CLCN5: variants seen among roughly 807,000 people sequenced by gnomAD.
CLCN5 encodes H(+)/Cl(-) exchange transporter 5.
A neutral mutation model predicts 54.0 loss-of-function variants in CLCN5; 17 were observed. That is an observed-to-expected ratio of 0.31 (90% CI 0.22 to 0.47). CLCN5 has a LOEUF of 0.47. Ranked by LOEUF, CLCN5 falls within the 20% of genes least tolerant of loss-of-function variation. The pLI, the probability that CLCN5 is intolerant of heterozygous loss-of-function variation, is 1.00. For missense variants in CLCN5, 448 were observed against 646.7 expected, an observed-to-expected ratio of 0.69 and a Z score of 3.33; for synonymous variants, 222 against 233.0, an observed-to-expected ratio of 0.95 and a Z score of 0.43.
intron 4 of CLCN5, among the ~76,000 whole-genome samples, chrX:50,057,454 T>C (rs1932775420): frequency 6.6e-5 from 2 of 30,265 alleles, no homozygotes; most frequent in East Asian, 3.2e-3. Flanking sequence ...TCCAGGACTC[T>C]CCTGGATAGA....
In CLCN5 at chrX:50,089,008, T is replaced by C. The variant is rs148327013; in HGVS notation, c.1744+124T>C. The C allele has an allele frequency of 1.2e-3, 718 of 615,685 alleles. 3 individuals are homozygous for C. In the African/African-American group the frequency reaches 0.014, roughly 12 times the overall value. The allele number at this position is 615,685 out of a possible 1,213,427, so 50.7% of individuals were successfully genotyped here. On this transcript the variant is annotated intron_variant, in intron 12 of 14. Transcript: ENST00000376091. ...TCCCTTTCCAGTTAGGTTTGCCATTTTCCAAGCACATTAAGAAAGCATCTG... is the reference window on the plus strand; with the variant it reads ...TCCCTTTCCAGTTAGGTTTGCCATTCTCCAAGCACATTAAGAAAGCATCTG...
chrX:49,928,047 A>T (rs1338951063), intron 3 of CLCN5, among the ~76,000 whole-genome samples: 1 of 112,320 alleles, frequency 8.9e-6, no homozygotes, highest in Non-Finnish European at 1.9e-5. Flanking sequence ...GTTAATGGTT[A>T]TAAACATACA....
At chrX:50,055,377 T>A (rs1602093448) in intron 4 of CLCN5, among the ~76,000 whole-genome samples, 1 of 111,908 alleles carries the variant, frequency 8.9e-6, no homozygotes, top group East Asian at 2.8e-4. Context: ...GTGACACAAC[T>A]AGTGAGTTAT....
At chrX:50,090,033 G>A in intron 12 of CLCN5, 83 bp from the exon 13 acceptor site, 1 of 1,034,911 alleles carries the variant, frequency 9.7e-7, no homozygotes, top group Non-Finnish European at 1.3e-6. Context: ...GTTTTTGGTA[G>A]GTCAGCTTTT....
chrX:50,012,512 C>G (rs1368924291), intron 3 of CLCN5, among the ~76,000 whole-genome samples: 3 of 112,312 alleles, frequency 2.7e-5, no homozygotes, highest in Non-Finnish European at 5.6e-5. Flanking sequence ...GATGCTCGAG[C>G]CTTCTATTCA....
At chrX:49,977,767 C>A (rs781937521) in intron 3 of CLCN5, among the ~76,000 whole-genome samples, 1 of 111,750 alleles carries the variant, frequency 8.9e-6, no homozygotes, top group African/African-American at 3.3e-5. Context: ...TTCTTTCCCC[C>A]CTCCAGAAGC....
intron 4 of CLCN5, among the ~76,000 whole-genome samples, chrX:50,048,094 G>A (rs1932455021): frequency 8.9e-6 from 1 of 112,356 alleles, no homozygotes; most frequent in Admixed American, 9.4e-5. Context: ...AACGAAACCG[G>A]CGGTGGGGGG....
At chrX:49,939,991 A>G (rs1293486716) in intron 3 of CLCN5, among the ~76,000 whole-genome samples, 1 of 111,606 alleles carries the variant, frequency 9.0e-6, no homozygotes, top group Non-Finnish European at 1.9e-5. Flanking sequence ...TCTGACCATG[A>G]CAGCTCTCTG....
intron 3 of CLCN5, among the ~76,000 whole-genome samples, chrX:50,029,951 C>T (rs1931612070): frequency 8.9e-6 from 1 of 112,145 alleles, no homozygotes; most frequent in Non-Finnish European, 1.9e-5. Context: ...TTTATTGCGG[C>T]ACTATTCACA....
chrX:50,064,123 C>T (rs1301562147), intron 4 of CLCN5, among the ~76,000 whole-genome samples: 5 of 107,512 alleles, frequency 4.7e-5, no homozygotes, highest in East Asian at 5.9e-4. Context: ...CCTCTCTCAC[C>T]GCTCCTATTC....
At chrX:50,069,852 C>T (rs1569539989) in intron 4 of CLCN5, 27 bp from the exon 5 acceptor site, 3 of 1,174,326 alleles carry the variant, frequency 2.6e-6, no homozygotes, top group East Asian at 3.0e-5. Context: ...TTCTGAAGTA[C>T]TAATGTCTAT....
At chrX:49,989,881 G>T (rs1371794348) in intron 3 of CLCN5, among the ~76,000 whole-genome samples, 1 of 111,942 alleles carries the variant, frequency 8.9e-6, no homozygotes, top group African/African-American at 3.3e-5. Context: ...ACCTTTAAGA[G>T]AGTATTACAG....
At chrX:49,944,213 A>T (rs868962533) in intron 3 of CLCN5, among the ~76,000 whole-genome samples, 14 of 111,427 alleles carry the variant, frequency 1.3e-4, no homozygotes, top group African/African-American at 4.2e-4. Context: ...TTGGTCTGTT[A>T]TTGGTGTATA....
intron 3 of CLCN5, chrX:50,003,356 T>A (rs1929979994): frequency 1.5e-5 from 5 of 331,365 alleles, no homozygotes; most frequent in Non-Finnish European, 3.1e-5. Flanking sequence ...CCCATCTGGA[T>A]GACTGTCCTG....
chrX:50,044,277 T>C (rs1318816394), intron 4 of CLCN5, among the ~76,000 whole-genome samples: 2 of 111,890 alleles, frequency 1.8e-5, no homozygotes, highest in Non-Finnish European at 3.8e-5. Flanking sequence ...AAGCATTTCA[T>C]GTGTGGGTGT....
intron 3 of CLCN5, among the ~76,000 whole-genome samples, chrX:50,023,066 T>G (rs1356568672): frequency 1.0e-5 from 1 of 95,437 alleles, no homozygotes; most frequent in Non-Finnish European, 1.9e-5. Flanking sequence ...TGTCTAATGT[T>G]GACAGTGGGG....
chrX:49,951,365 T>A (rs1410583238), intron 3 of CLCN5, among the ~76,000 whole-genome samples: 1 of 111,948 alleles, frequency 8.9e-6, no homozygotes, highest in African/African-American at 3.2e-5. Flanking sequence ...ATTAGGCCTA[T>A]TCTCTAATGT....
chrX:50,005,144 G>T (rs1557181219), intron 3 of CLCN5, among the ~76,000 whole-genome samples: 1 of 111,140 alleles, frequency 9.0e-6, no homozygotes, highest in African/African-American at 3.3e-5. Context: ...ATACAGTTTT[G>T]CATAGTCTGG....
intron 3 of CLCN5, chrX:50,013,395 T>C: frequency 3.2e-6 from 1 of 308,551 alleles, no homozygotes; most frequent in Admixed American, 3.2e-5. Context: ...TGATGTGCCA[T>C]GAGCTGTGCT....
Sources: allele counts gnomAD v4.1 joint callset (sites outside exome capture counted in the v4.1 genomes callset), GRCh38; gene constraint gnomAD v4.1.1; transcripts MANE v1.5; gene names NCBI Gene and HGNC (gene_info 2026-07-23, HGNC 2026-07-21).